The following CTNND2 variants were observed in gnomAD, a reference collection of about 807,000 sequenced individuals.
CTNND2 encodes catenin delta 2.
A neutral mutation model predicts 144.4 loss-of-function variants in CTNND2; 22 were observed. The observed-to-expected ratio is 0.15, with a 90% confidence interval of 0.11 to 0.22. The LOEUF is 0.22. Ranked by LOEUF, CTNND2 falls within the 10% of genes least tolerant of loss-of-function variation. The pLI, the probability that CTNND2 is intolerant of heterozygous loss-of-function variation, is 1.00. For synonymous variants in CTNND2, 751 were observed against 695.6 expected (o/e 1.08, Z -1.25); for missense variants, 1,353 against 1,618.8 (o/e 0.84, Z 2.82).
chr5:11,833,237 T>C (rs1370747490), intron 1 of CTNND2, among the ~76,000 whole-genome samples: 2 of 152,224 alleles, frequency 1.3e-5, no homozygotes, highest in East Asian at 3.8e-4. Flanking sequence ...CAAAGTCCAT[T>C]AACTGGAGAG....
chr5:11,232,724 T>C (rs1462993337), intron 10 of CTNND2, among the ~76,000 whole-genome samples: 2 of 152,232 alleles, frequency 1.3e-5, no homozygotes, highest in East Asian at 3.8e-4. Flanking sequence ...GAGTTAAGAC[T>C]TTGGGGATTG....
intron 7 of CTNND2, among the ~76,000 whole-genome samples, chr5:11,369,646 C>A (rs1427950659): frequency 2.0e-5 from 3 of 152,206 alleles, no homozygotes; most frequent in African/African-American, 7.2e-5. Flanking sequence ...TGTCCTAGTG[C>A]TCAAAACAGA....
At chr5:11,019,803 G>A (rs994588338) in intron 17 of CTNND2, among the ~76,000 whole-genome samples, 11 of 152,050 alleles carry the variant, frequency 7.2e-5, no homozygotes, top group South Asian at 2.1e-4. Context: ...TAGCTTTTCC[G>A]TCTTATGACA....
chr5:11,199,061 T>C (rs899704688), intron 11 of CTNND2, among the ~76,000 whole-genome samples: 2 of 152,240 alleles, frequency 1.3e-5, no homozygotes, highest in Admixed American at 1.3e-4. Flanking sequence ...AAGCCGTCTG[T>C]TGTTAAACAC....
intron 20 of CTNND2, among the ~76,000 whole-genome samples, chr5:10,984,930 CG>C (rs1561121938): frequency 6.6e-6 from 1 of 151,908 alleles, no homozygotes; most frequent in Non-Finnish European, 1.5e-5. Flanking sequence ...AAAAATTAGC[CG>C]GGCATGGTGG....
chr5:11,328,289 CTTTTTTT>C (rs747493685), intron 9 of CTNND2, among the ~76,000 whole-genome samples: 17 of 135,800 alleles, frequency 1.3e-4, no homozygotes, highest in Non-Finnish European at 2.2e-4. Context: ...ACACAAAATT[CTTTTTTT>C]TTTTTTTTTT....
At chr5:11,431,987 T>A (rs1037167315) in intron 3 of CTNND2, among the ~76,000 whole-genome samples, 2 of 152,114 alleles carry the variant, frequency 1.3e-5, no homozygotes, top group African/African-American at 4.8e-5. Flanking sequence ...AAAAGATACT[T>A]GTAGAAACAC....
intron 8 of CTNND2, among the ~76,000 whole-genome samples, chr5:11,357,482 C>T (rs1756011427): frequency 6.6e-6 from 1 of 151,818 alleles, no homozygotes; most frequent in Admixed American, 6.6e-5. Flanking sequence ...AAAAAAGAAG[C>T]TGATATCATA....
chr5:11,377,015 G>A (rs1758006527), intron 7 of CTNND2, among the ~76,000 whole-genome samples: 1 of 150,944 alleles, frequency 6.6e-6, no homozygotes. Flanking sequence ...TGGCTTGCTT[G>A]TCGGTGACAC....
At chr5:11,142,813 C>T (rs1333891627) in intron 12 of CTNND2, among the ~76,000 whole-genome samples, 4 of 151,912 alleles carry the variant, frequency 2.6e-5, no homozygotes, top group Non-Finnish European at 4.4e-5. Context: ...GGGGTTTCAC[C>T]GTGTTAGCCA....
chr5:11,262,173 G>T (rs548151205), intron 9 of CTNND2, among the ~76,000 whole-genome samples: 116 of 152,172 alleles, frequency 7.6e-4, no homozygotes, highest in African/African-American at 2.7e-3. Flanking sequence ...GAGAAATGAT[G>T]GCCACATTTC....
At chr5:11,431,956 T>C (rs547255509) in intron 3 of CTNND2, among the ~76,000 whole-genome samples, 4 of 152,266 alleles carry the variant, frequency 2.6e-5, no homozygotes, top group South Asian at 2.1e-4. Flanking sequence ...GTATATTATA[T>C]GTCTGCATTT....
chr5:11,349,607 G>A (rs1031007374), intron 8 of CTNND2, among the ~76,000 whole-genome samples: 3 of 152,126 alleles, frequency 2.0e-5, no homozygotes, highest in African/African-American at 4.8e-5. Context: ...TTAGAAAAAC[G>A]GTGAGGCCTG....
At chr5:11,189,816 TCA>T (rs1489602596) in intron 11 of CTNND2, among the ~76,000 whole-genome samples, 19 of 152,304 alleles carry the variant, frequency 1.2e-4, no homozygotes, top group Non-Finnish European at 2.5e-4. Context: ...TGAATGAGAC[TCA>T]CAGTCTACAG....
intron 9 of CTNND2, among the ~76,000 whole-genome samples, chr5:11,292,738 T>C (rs1634326): frequency 0.16 from 25,066 of 152,112 alleles, 2,368 homozygotes; most frequent in African/African-American, 0.25. Context: ...GGCAGTTCTT[T>C]ATAGCAGTGT....
At chr5:11,834,161 A>G (rs1187729252) in intron 1 of CTNND2, among the ~76,000 whole-genome samples, 1 of 152,202 alleles carries the variant, frequency 6.6e-6, no homozygotes, top group African/African-American at 2.4e-5. Context: ...AGCCAATAAA[A>G]AAGGGCTTGC....
Position 11,236,799 on chromosome 5 carries a change from T to C in CTNND2, c.1653A>G (p.Glu551=). Residue 551 remains glutamate (E), a synonymous_variant, in exon 10 of 22, where the codon GAA becomes GAG. Transcript: ENST00000304623. ...DPREFGWRDP[E]LPEVIQMLQH... ...GCAACATCTGAATCACTTCCGGCAG[T>C]TCCGGGTCTCTCCATCCAAATTCTC... 1 of 1,614,154 alleles carries C rather than the reference T, an allele frequency of 6.2e-7. No individual in the cohort carries two copies. Among genetic ancestry groups the C allele is most frequent in the East Asian group, 2.2e-5 (1 of 44,876 alleles).
At chr5:11,297,229 C>T (rs1164008381) in intron 9 of CTNND2, among the ~76,000 whole-genome samples, 2 of 152,184 alleles carry the variant, frequency 1.3e-5, no homozygotes, top group African/African-American at 2.4e-5. Flanking sequence ...TTTTTAAATT[C>T]CATATTTCAA....
At chr5:11,012,568 C>T (rs898607587) in intron 18 of CTNND2, among the ~76,000 whole-genome samples, 4 of 152,178 alleles carry the variant, frequency 2.6e-5, no homozygotes, top group African/African-American at 7.2e-5. Flanking sequence ...CGGAGGGCTA[C>T]TCATGGTGTT....
Sources: allele counts gnomAD v4.1 joint callset (sites outside exome capture counted in the v4.1 genomes callset), GRCh38; gene constraint gnomAD v4.1.1; transcripts MANE v1.5; gene names NCBI Gene and HGNC (gene_info 2026-07-23, HGNC 2026-07-21).